Variants in PARD3B observed in about 807,000 individuals in gnomAD.
PARD3B encodes the protein par-3 family cell polarity regulator beta.
Under a neutral mutation model 130.2 loss-of-function variants are expected in PARD3B, and 103 were observed. The observed-to-expected ratio is 0.79, with a 90% CI of 0.67 to 0.93. The LOEUF is 0.93. Among genes scored for constraint, PARD3B ranks in the 40% least tolerant of loss-of-function variants. PARD3B has a pLI of 0.00. For synonymous variants in PARD3B, 583 were observed against 553.2 expected (o/e 1.05, Z -0.76); for missense variants, 1,609 against 1,499.2 (o/e 1.07, Z -1.21).
At chr2:204,638,350 A>G (rs2034958072) in intron 1 of PARD3B, among the ~76,000 whole-genome samples, 1 of 152,178 alleles carries the variant, frequency 6.6e-6, no homozygotes, top group African/African-American at 2.4e-5. Flanking sequence ...ATCATCTTCT[A>G]CTTTATGTAA....
intron 3 of PARD3B, among the ~76,000 whole-genome samples, chr2:204,976,779 G>A (rs979524062): frequency 5.3e-5 from 8 of 151,694 alleles, no homozygotes; most frequent in African/African-American, 1.5e-4. Context: ...GCTAATTTTC[G>A]TATTTTTTTT....
intron 2 of PARD3B, among the ~76,000 whole-genome samples, chr2:204,810,159 T>G (rs2042915097): frequency 6.6e-6 from 1 of 151,770 alleles, no homozygotes; most frequent in Non-Finnish European, 1.5e-5. Context: ...GACTGTAGAG[T>G]TTTCTAGCTA....
At chr2:205,379,643 ATTC>A (rs1212479193) in intron 18 of PARD3B, among the ~76,000 whole-genome samples, 1 of 152,168 alleles carries the variant, frequency 6.6e-6, no homozygotes, top group Admixed American at 6.6e-5. Flanking sequence ...AAATTGGCTA[ATTC>A]TCTGCTTACT....
intron 3 of PARD3B, among the ~76,000 whole-genome samples, chr2:205,039,814 G>A (rs1698265015): frequency 6.6e-6 from 1 of 152,210 alleles, no homozygotes; most frequent in Non-Finnish European, 1.5e-5. Context: ...CATTGAAGAG[G>A]TGTTATTCCC....
intron 20 of PARD3B, among the ~76,000 whole-genome samples, chr2:205,468,486 CA>C (rs1482046577): frequency 6.6e-6 from 1 of 152,204 alleles, no homozygotes; most frequent in Non-Finnish European, 1.5e-5. Context: ...TTTATCACCA[CA>C]AGCTTTTCTT....
chr2:204,852,762 A>C (rs1430909761), intron 2 of PARD3B, among the ~76,000 whole-genome samples: 1 of 152,186 alleles, frequency 6.6e-6, no homozygotes, highest in Non-Finnish European at 1.5e-5. Context: ...TAACTTATTT[A>C]AGTTTTAAAG....
At chr2:204,633,774 T>G (rs1380090289) in intron 1 of PARD3B, among the ~76,000 whole-genome samples, 1 of 152,062 alleles carries the variant, frequency 6.6e-6, no homozygotes, top group Non-Finnish European at 1.5e-5. Flanking sequence ...ATCATGCCAC[T>G]CCCCTCCAGC....
chr2:204,686,930 G>A (rs1387446549), intron 2 of PARD3B, among the ~76,000 whole-genome samples: 1 of 152,136 alleles, frequency 6.6e-6, no homozygotes, highest in Admixed American at 6.6e-5. Context: ...GATTATTGCT[G>A]TTGAGACAGG....
intron 1 of PARD3B, among the ~76,000 whole-genome samples, chr2:204,653,122 G>T (rs1397448653): frequency 1.3e-5 from 2 of 150,980 alleles, no homozygotes; most frequent in African/African-American, 5.0e-5. Context: ...CTTCTTGAAG[G>T]TGGAGGTTGG....
intron 3 of PARD3B, among the ~76,000 whole-genome samples, chr2:205,037,649 G>T (rs1698095814): frequency 6.9e-6 from 1 of 145,130 alleles, no homozygotes; most frequent in African/African-American, 2.5e-5. Flanking sequence ...TATGTATATA[G>T]TGGACTATAT....
At position 205,274,611 on chromosome 2, in the gene PARD3B, C is replaced by A. The variant is rs902324220; in HGVS notation, c.2186-25919C>A. On this transcript the variant is annotated intron_variant, in intron 16 of 22. Transcript: ENST00000406610. This position sits in a 1 kb window ranked among gnomAD's most constrained non-coding sequence, Gnocchi z 4.2. ...CTTTTACATTGATTTTTTTATAAAT[C>A]ATTTCTACTTACTTTCTATCTGAAT... is the stretch of plus-strand genomic sequence containing the variant. Among the ~76,000 whole-genome samples, 1 of 151,776 alleles carries A rather than the reference C, an allele frequency of 6.6e-6. No homozygotes were observed. The highest frequency in any genetic ancestry group is 2.4e-5 in the African/African-American group (1 of 41,316).
At chr2:204,832,877 C>T (rs957592878) in intron 2 of PARD3B, among the ~76,000 whole-genome samples, 8 of 152,210 alleles carry the variant, frequency 5.3e-5, no homozygotes, top group South Asian at 2.1e-4. Context: ...TTACATAGCA[C>T]GGTATGCTGG....
In PARD3B at chr2:205,146,374, G is replaced by A. The variant is rs1341781549; in HGVS notation, c.1435-12348G>A. On this transcript the variant is annotated intron_variant, in intron 10 of 22. Coordinates refer to ENST00000406610, the MANE Select transcript of PARD3B (RefSeq NM_001302769.2). The surrounding 1 kb of genome is among the most constrained non-coding windows in gnomAD (Gnocchi z 4.3). ...TTATTAAATTGTTACATCAGGCTGG[G>A]TGCGGTGGCTCACCCCTGTAATCCC... Among the ~76,000 whole-genome samples the A allele has an allele frequency of 6.6e-6, 1 of 152,130 alleles. No individual in the cohort carries two copies. The highest frequency in any genetic ancestry group is 2.4e-5 in the African/African-American group (1 of 41,420).
At chr2:204,844,284 AT>A (rs2044374059) in intron 2 of PARD3B, among the ~76,000 whole-genome samples, 1 of 152,162 alleles carries the variant, frequency 6.6e-6, no homozygotes, top group Non-Finnish European at 1.5e-5. Context: ...AGAGTAAATA[AT>A]TTTAGTACCA....
intron 4 of PARD3B, among the ~76,000 whole-genome samples, chr2:205,067,095 C>CTTTTTTTTTTTTTTTTTTTTTTTTTTTT (rs10672449): frequency 6.7e-5 from 4 of 59,712 alleles, no homozygotes; most frequent in African/African-American, 2.2e-4. Context: ...TTTTACTAGG[C>CTTTTTTTTTTTTTTTTTTTTTTTTTTTT]TTTTTTTTTT....
intron 2 of PARD3B, among the ~76,000 whole-genome samples, chr2:204,789,193 A>C (rs2042115875): frequency 6.6e-6 from 1 of 152,144 alleles, no homozygotes; most frequent in African/African-American, 2.4e-5. Flanking sequence ...AGTAGCTGGG[A>C]CCATAGGTGT....
chr2:205,456,549 TGAA>T (rs2048283102), intron 20 of PARD3B, among the ~76,000 whole-genome samples: 1 of 152,074 alleles, frequency 6.6e-6, no homozygotes, highest in Non-Finnish European at 1.5e-5. Flanking sequence ...TTTATCAAGT[TGAA>T]GAAGTTTCTC....
chr2:205,063,268 G>C (rs955651234), intron 4 of PARD3B, among the ~76,000 whole-genome samples: 5 of 151,812 alleles, frequency 3.3e-5, no homozygotes, highest in Admixed American at 1.3e-4. Flanking sequence ...TTGTATGAAT[G>C]TATCAAAGTA....
rs938990736 is a variant in PARD3B at position 205,591,998 on chromosome 2, G to C, written c.3261-23458G>C. 2.0e-5 allele frequency among the ~76,000 whole-genome samples: 3 copies of C among 152,186 alleles called. No homozygotes were observed. The highest frequency in any genetic ancestry group is 1.3e-4 in the Admixed American group (2 of 15,278). ...TTAATGGTCACACCTAGACAAAGTG[G>C]AAGGATAATCCTACCAGTGATGATG... On this transcript the variant is annotated intron_variant, in intron 22 of 22. Coordinates refer to ENST00000406610, the MANE Select transcript of PARD3B (RefSeq NM_001302769.2). This position sits in a 1 kb window ranked among gnomAD's most constrained non-coding sequence, Gnocchi z 4.2.
Sources: gnomAD v4.1 joint callset for allele counts (sites outside exome capture counted in the v4.1 genomes callset) on GRCh38, gnomAD v4.1.1 for gene constraint, Gnocchi (gnomAD v3.1) non-coding constraint, MANE v1.5 for transcripts, NCBI Gene and HGNC (gene_info 2026-07-23, HGNC 2026-07-21) for gene names.